The following ZNF385D variants were observed in gnomAD, a reference collection of about 807,000 sequenced individuals.
ZNF385D encodes the protein zinc finger protein 385D.
ZNF385D carries 15 observed loss-of-function variants against 35.8 expected under a neutral mutation model. That is an observed-to-expected ratio of 0.42 (90% CI 0.28 to 0.64). The LOEUF (loss-of-function observed/expected upper bound fraction) is 0.64, where lower values mean the gene tolerates loss of function less well. Among genes scored for constraint, ZNF385D ranks in the 30% least tolerant of loss-of-function variants. The pLI is 0.23. For missense variants in ZNF385D, 474 were observed against 494.6 expected, an observed-to-expected ratio of 0.96 and a Z score of 0.39; for synonymous variants, 212 against 186.8, an observed-to-expected ratio of 1.13 and a Z score of -1.10.
chr3:22,149,302 G>T (rs1430084231), intron 3 of ZNF385D, among the ~76,000 whole-genome samples: 2 of 152,062 alleles, frequency 1.3e-5, no homozygotes, highest in African/African-American at 4.8e-5. Flanking sequence ...CATTTAACAA[G>T]AACTAATAGT....
chr3:21,571,481 G>T (rs963277400), intron 2 of ZNF385D, among the ~76,000 whole-genome samples: 6 of 152,088 alleles, frequency 3.9e-5, no homozygotes, highest in Admixed American at 2.6e-4. Flanking sequence ...TAAATTTCTA[G>T]GTTATAGAAT....
At chr3:22,353,833 T>C (rs148306236) in intron 2 of ZNF385D, among the ~76,000 whole-genome samples, 105 of 152,196 alleles carry the variant, frequency 6.9e-4, no homozygotes, top group South Asian at 2.3e-3. Flanking sequence ...TTCCCAAATC[T>C]CAAACATCTC....
chr3:22,003,142 G>A (rs929317480), intron 3 of ZNF385D, among the ~76,000 whole-genome samples: 13 of 152,066 alleles, frequency 8.5e-5, no homozygotes, highest in African/African-American at 2.2e-4. Flanking sequence ...GTCCTTCTTC[G>A]CAGATGACAT....
intron 3 of ZNF385D, among the ~76,000 whole-genome samples, chr3:21,823,367 T>C (rs1694396134): frequency 6.6e-6 from 1 of 152,186 alleles, no homozygotes; most frequent in Admixed American, 6.5e-5. Flanking sequence ...ATTTGTATCC[T>C]AAACACTGAT....
intron 3 of ZNF385D, among the ~76,000 whole-genome samples, chr3:21,815,903 C>T (rs2073127014): frequency 6.6e-6 from 1 of 152,110 alleles, no homozygotes; most frequent in African/African-American, 2.4e-5. Context: ...GACCAATATC[C>T]CTGATGAACA....
intron 1 of ZNF385D, among the ~76,000 whole-genome samples, chr3:21,698,491 T>A (rs1359528124): frequency 6.6e-6 from 1 of 152,128 alleles, no homozygotes; most frequent in Non-Finnish European, 1.5e-5. Flanking sequence ...GTTGAAAAAG[T>A]ACCTCTTGGG....
chr3:21,805,420 T>C (rs1443666581), intron 3 of ZNF385D, among the ~76,000 whole-genome samples: 1 of 152,178 alleles, frequency 6.6e-6, no homozygotes, highest in Admixed American at 6.5e-5. Flanking sequence ...GAATGCTGTT[T>C]ATCCTCAACG....
intron 3 of ZNF385D, among the ~76,000 whole-genome samples, chr3:21,900,943 C>G (rs541263056): frequency 6.6e-6 from 1 of 152,240 alleles, no homozygotes; most frequent in South Asian, 2.1e-4. Flanking sequence ...TAGATGACGA[C>G]ACTAAGGTTC....
intron 3 of ZNF385D, among the ~76,000 whole-genome samples, chr3:22,092,999 G>A (rs988982605): frequency 1.3e-5 from 2 of 152,068 alleles, no homozygotes. Context: ...TCAAAACTTA[G>A]CTGAGCCCAG....
intron 2 of ZNF385D, among the ~76,000 whole-genome samples, chr3:22,367,890 T>C (rs939819261): frequency 1.3e-5 from 2 of 152,224 alleles, no homozygotes; most frequent in Admixed American, 6.5e-5. Context: ...CAAATGTAAC[T>C]TCCTAACACT....
chr3:21,495,944 C>T (rs1175149376), intron 4 of ZNF385D, among the ~76,000 whole-genome samples: 1 of 151,970 alleles, frequency 6.6e-6, no homozygotes, highest in Non-Finnish European at 1.5e-5. Context: ...GCTAGAAAAC[C>T]TAGAAGAGAT....
At chr3:21,862,731 G>C (rs565920589) in intron 3 of ZNF385D, among the ~76,000 whole-genome samples, 27 of 152,252 alleles carry the variant, frequency 1.8e-4, no homozygotes, top group South Asian at 1.7e-3. Flanking sequence ...GCCTCCCCAA[G>C]GGCTCCTTAT....
chr3:21,789,757 T>C (rs185284060), intron 3 of ZNF385D, among the ~76,000 whole-genome samples: 179 of 152,250 alleles, frequency 1.2e-3, no homozygotes, highest in African/African-American at 4.2e-3. Context: ...TAAACAAAGA[T>C]GTAAAATGCT....
chr3:21,786,023 T>C (rs1463252336), intron 3 of ZNF385D, among the ~76,000 whole-genome samples: 2 of 46,736 alleles, frequency 4.3e-5, no homozygotes, highest in South Asian at 1.5e-3. Context: ...TACTTTACCC[T>C]TTTTTTTTTT....
At chr3:22,155,502 TTTG>T (rs575000869) in intron 3 of ZNF385D, among the ~76,000 whole-genome samples, 158 of 152,158 alleles carry the variant, frequency 1.0e-3, no homozygotes, top group African/African-American at 3.5e-3. Flanking sequence ...CTGGGACACT[TTTG>T]TTAGTGATTA....
intron 3 of ZNF385D, among the ~76,000 whole-genome samples, chr3:22,160,660 G>A (rs1331837705): frequency 6.6e-6 from 1 of 152,048 alleles, no homozygotes; most frequent in African/African-American, 2.4e-5. Context: ...GCAAAGATAA[G>A]GGCAGCAATA....
intron 3 of ZNF385D, among the ~76,000 whole-genome samples, chr3:21,847,580 T>C (rs554956742): frequency 2.6e-5 from 4 of 152,164 alleles, no homozygotes; most frequent in African/African-American, 4.8e-5. Flanking sequence ...GTGTAGTTGA[T>C]TGAATGTAAC....
intron 3 of ZNF385D, among the ~76,000 whole-genome samples, chr3:22,090,365 G>C (rs1329040600): frequency 6.6e-6 from 1 of 152,094 alleles, no homozygotes; most frequent in Non-Finnish European, 1.5e-5. Context: ...ATTGCCTGTG[G>C]TATATTGTGA....
intron 1 of ZNF385D, among the ~76,000 whole-genome samples, chr3:21,740,779 G>A (rs1012026508): frequency 2.6e-5 from 4 of 152,168 alleles, no homozygotes; most frequent in Non-Finnish European, 5.9e-5. Flanking sequence ...CAGGGCCTCA[G>A]GATGCTTACT....
Sources: allele counts gnomAD v4.1 joint callset (sites outside exome capture counted in the v4.1 genomes callset), GRCh38; gene constraint gnomAD v4.1.1; transcripts MANE v1.5; gene names NCBI Gene and HGNC (gene_info 2026-07-23, HGNC 2026-07-21).